Variants in OAF observed in about 807,000 individuals in gnomAD.
OAF encodes out at first homolog, also known as out at first protein homolog.
A neutral mutation model predicts 22.5 loss-of-function variants in OAF; 13 were observed. The observed-to-expected ratio is 0.58, with a 90% CI of 0.38 to 0.92. The LOEUF (loss-of-function observed/expected upper bound fraction) is 0.92. Ranked by LOEUF, OAF falls within the 40% of genes least tolerant of loss-of-function variation. OAF has a pLI of 0.00. For missense variants in OAF, 347 were observed against 381.8 expected (o/e 0.91, Z 0.76); for synonymous variants, 175 against 170.5 (o/e 1.03, Z -0.21).
chr11:120,216,445 G>A (rs1251925793), intron 1 of OAF, among the ~76,000 whole-genome samples: 1 of 152,194 alleles, frequency 6.6e-6, no homozygotes, highest in African/African-American at 2.4e-5. Context: ...GCTTTCGGGA[G>A]AGGCCCAGAC....
In OAF at chr11:120,211,356, C is replaced by T. The variant is rs376205535; in HGVS notation, c.77C>T (p.Thr26Met). 4 of 1,440,976 alleles carry T rather than the reference C, an allele frequency of 2.8e-6. No homozygotes were observed. The highest frequency in any genetic ancestry group is 3.7e-6 in the Non-Finnish European group (4 of 1,087,506). 89.3% of individuals were successfully genotyped at this position (1,440,976 alleles called of 1,614,324 possible). ...CCGCTGCTCGCGCCGCTGCTGGGAA[C>T]GGGTGCGCCGGCCGAGCTGCGGGTC... Reference protein sequence around the residue: ...LLPLLAPLLGTGAPAELRVRV... With the variant: ...LLPLLAPLLGMGAPAELRVRV... The change falls in exon 1 of 4, where the codon ACG (threonine) becomes ATG (methionine). Residue 26 changes from threonine to methionine, a missense_variant. Physicochemically the swap from Thr to Met is moderately conservative, Grantham distance 81. Coordinates refer to ENST00000328965, the MANE Select transcript of OAF (RefSeq NM_178507.4).
rs953394042 is a variant in OAF, at chr11:120,230,228, C to T, written c.*1086C>T. 2.6e-5 allele frequency: 4 copies of T among 152,194 alleles called. No homozygotes were observed. Among genetic ancestry groups the T allele is most frequent in the Admixed American group, 1.3e-4 (2 of 15,278 alleles). 9.4% of individuals were successfully genotyped at this position (152,194 alleles called of 1,614,324 possible). ...AGAGATGGGGTGGAGATTGGAACCC[C>T]GCTTCAGATCTGGGCTCGGCTACTT... is the stretch of plus-strand genomic sequence containing the variant. On this transcript the variant is annotated 3_prime_UTR_variant, in exon 4 of 4. Transcript: ENST00000328965.
chr11:120,221,811 T>C (rs1938283017), intron 1 of OAF, among the ~76,000 whole-genome samples: 1 of 152,144 alleles, frequency 6.6e-6, no homozygotes, highest in Admixed American at 6.5e-5. Context: ...TGTAGTATGC[T>C]CCAGTTCTTC....
chr11:120,223,055 C>T (rs1476061546), intron 1 of OAF, among the ~76,000 whole-genome samples: 3 of 152,202 alleles, frequency 2.0e-5, no homozygotes, highest in African/African-American at 4.8e-5. Flanking sequence ...CCGCCACATT[C>T]GAAGGCAGGT....
At chr11:120,228,825 T>TACCAAACCA in intron 3 of OAF, 43 bp from the exon 4 acceptor site, 8 of 434,170 alleles carry the variant, frequency 1.8e-5, no homozygotes, top group Non-Finnish European at 3.7e-5. Flanking sequence ...GCTCCTTCCC[T>TACCAAACCA]CCCTCCCTCC....
chr11:120,219,734 G>A (rs538451975), intron 1 of OAF, among the ~76,000 whole-genome samples: 1 of 152,270 alleles, frequency 6.6e-6, no homozygotes, highest in African/African-American at 2.4e-5. Flanking sequence ...TCAGAGTCAG[G>A]AGGTCTAGGC....
chr11:120,225,269 A>G lies in OAF; in HGVS notation c.232-392A>G, dbSNP rs556472124. On this transcript the variant is annotated intron_variant, in intron 1 of 3. Coordinates refer to ENST00000328965, the MANE Select transcript of OAF (RefSeq NM_178507.4). ...TCTAAGATTTCTAGCCATTACAACT[A>G]CAAAGAAAAAAAAAAAAGAGGAACT... 1.7e-4 allele frequency among the ~76,000 whole-genome samples: 26 copies of G among 151,464 alleles called. 1 individual carries two copies. In the South Asian group the frequency reaches 5.0e-3, roughly 29 times the overall value.
chr11:120,211,617 A>G (rs2444243), intron 1 of OAF, 107 bp downstream of exon 1: 647,292 of 719,126 alleles, frequency 0.9, 292,082 homozygotes, highest in Middle Eastern at 0.94. Flanking sequence ...AGGGAGACGC[A>G]GCTGGCCCAA....
intron 1 of OAF, 36 bp from the exon 2 acceptor site, chr11:120,225,625 C>A: frequency 6.5e-7 from 1 of 1,545,608 alleles, no homozygotes; most frequent in Non-Finnish European, 8.7e-7. Flanking sequence ...AGGTCCCACA[C>A]CCTCCAGCCG....
Position 120,229,208 on chromosome 11 carries a change from G to T in OAF, c.*66G>T. The T allele has an allele frequency of 2.8e-6, 4 of 1,452,388 alleles. No homozygotes were observed. Among genetic ancestry groups the T allele is most frequent in the South Asian group, 1.2e-5 (1 of 82,176 alleles). 90.0% of individuals were successfully genotyped at this position (1,452,388 alleles called of 1,614,324 possible). ...CTCTTCACCAGCCACTAGAGGGGGT[G>T]GCAACCCCCACCTGAGGCCTTATTT... is the stretch of plus-strand genomic sequence containing the variant. On this transcript the variant is annotated 3_prime_UTR_variant, in exon 4 of 4. Transcript: ENST00000328965.
chr11:120,226,693 C>T (rs1938360829), intron 2 of OAF, 123 bp from the exon 3 acceptor site: 2 of 824,232 alleles, frequency 2.4e-6, no homozygotes, highest in Non-Finnish European at 3.8e-6. Flanking sequence ...GGCTGCCACC[C>T]TGCAGATGGC....
chr11:120,224,234 A>C (rs761261836), intron 1 of OAF, among the ~76,000 whole-genome samples: 1 of 152,200 alleles, frequency 6.6e-6, no homozygotes, highest in Non-Finnish European at 1.5e-5. Flanking sequence ...AATGGCAAGT[A>C]AGAGAAACTC....
chr11:120,220,672 C>T (rs1295936636), intron 1 of OAF, among the ~76,000 whole-genome samples: 2 of 152,090 alleles, frequency 1.3e-5, no homozygotes, highest in Non-Finnish European at 2.9e-5. Flanking sequence ...TGAGCTGTGC[C>T]CTGCACACAA....
intron 3 of OAF, 43 bp from the exon 4 acceptor site, chr11:120,228,825 T>TACCAAAC: frequency 6.9e-6 from 3 of 434,174 alleles, no homozygotes; most frequent in East Asian, 1.1e-4. Flanking sequence ...GCTCCTTCCC[T>TACCAAAC]CCCTCCCTCC....
intron 3 of OAF, 44 bp from the exon 4 acceptor site, chr11:120,228,824 C>CAGCCCAA: frequency 1.9e-6 from 1 of 519,062 alleles, no homozygotes; most frequent in Admixed American, 2.4e-5. Flanking sequence ...AGCTCCTTCC[C>CAGCCCAA]TCCCTCCCTC....
At chr11:120,228,758 C>T (rs907238915) in intron 3 of OAF, 110 bp from the exon 4 acceptor site, 2 of 813,934 alleles carry the variant, frequency 2.5e-6, no homozygotes, top group African/African-American at 3.4e-5. Context: ...TCTGTAAATG[C>T]CTGTGGGATG....
intron 1 of OAF, among the ~76,000 whole-genome samples, chr11:120,215,355 C>T (rs1407376764): frequency 6.6e-6 from 1 of 152,090 alleles, no homozygotes; most frequent in East Asian, 1.9e-4. Context: ...CAGGTGATTC[C>T]AGTGTGCAGC....
chr11:120,225,599 CG>C, intron 1 of OAF, 61 bp from the exon 2 acceptor site: 1 of 1,461,450 alleles, frequency 6.8e-7, no homozygotes, highest in Non-Finnish European at 9.1e-7. Context: ...GCTGAGCACC[CG>C]GTGGGCCAGT....
intron 2 of OAF, 62 bp downstream of exon 2, chr11:120,225,857 C>G: frequency 8.1e-6 from 12 of 1,489,192 alleles, no homozygotes; most frequent in Non-Finnish European, 1.1e-5. Context: ...CGGCCCAGAT[C>G]CCATCCCGCA....
Sources: gnomAD v4.1 joint callset for allele counts (sites outside exome capture counted in the v4.1 genomes callset) on GRCh38, gnomAD v4.1.1 for gene constraint, MANE v1.5 for transcripts, NCBI Gene and HGNC (gene_info 2026-07-23, HGNC 2026-07-21) for gene names.